The following GTF3C5 variants were observed in gnomAD, a reference collection of about 807,000 sequenced individuals.
GTF3C5 encodes the protein general transcription factor 3C polypeptide 5.
Under a neutral mutation model 61.0 loss-of-function variants are expected in GTF3C5, and 47 were observed. The ratio of observed to expected loss-of-function variants is 0.77; its 90% CI spans 0.61 to 0.98. GTF3C5 has a LOEUF of 0.98. Among genes scored for constraint, GTF3C5 ranks in the 50% least tolerant of loss-of-function variants. GTF3C5 has a pLI of 0.00. For synonymous variants in GTF3C5, 295 were observed against 275.4 expected (o/e 1.07, Z -0.71); for missense variants, 659 against 703.3 (o/e 0.94, Z 0.71).
At chr9:133,046,048 T>C (rs566303679) in intron 3 of GTF3C5, among the ~76,000 whole-genome samples, 5 of 152,178 alleles carry the variant, frequency 3.3e-5, no homozygotes, top group Non-Finnish European at 5.9e-5. Flanking sequence ...GGCTTGGGCC[T>C]AGTGTAGTGG....
chr9:133,043,817 G>C lies in GTF3C5; in HGVS notation c.463G>C (p.Glu155Gln), dbSNP rs763539610. 9 of 1,613,968 alleles carry C rather than the reference G, an allele frequency of 5.6e-6. No homozygotes were observed. Among genetic ancestry groups the C allele is most frequent in the African/African-American group, 1.3e-5 (1 of 74,928 alleles). ...TGACAAGGTGCTCATGCTCCGGCCC[G>C]AGAAGGAGGCCTTTTTCCACCAGGA... ...MYDKVLMLRP[E>Q]KEAFFHQELP... is the part of the protein sequence containing the mutation. The change falls in exon 3 of 11, where the codon GAG (glutamate) becomes CAG (glutamine). Residue 155 changes from glutamate (E) to glutamine (Q), a missense_variant. Transcript: ENST00000372097.
chr9:133,042,320 G>C lies in GTF3C5; in HGVS notation c.373+14G>C, dbSNP rs1850063163. The C allele has an allele frequency of 3.3e-6, 5 of 1,523,216 alleles. No individual in the cohort carries two copies. Among genetic ancestry groups the C allele is most frequent in the Non-Finnish European group, 3.6e-6 (4 of 1,097,330 alleles). 94.4% of individuals were successfully genotyped at this position (1,523,216 alleles called of 1,614,324 possible). ...ACAAATTTCAGGGTAACTGAAATCT[G>C]CTCTTGCAATGTCTGGTTATTTCAG... On this transcript the variant is annotated intron_variant, in intron 2 of 10. Coordinates refer to ENST00000372097, the MANE Select transcript of GTF3C5 (RefSeq NM_012087.4).
At chr9:133,055,907 C>G in intron 8 of GTF3C5, 105 bp from the exon 9 acceptor site, 1 of 1,513,882 alleles carries the variant, frequency 6.6e-7, no homozygotes, top group Non-Finnish European at 8.9e-7. Flanking sequence ...TGGTGACCAG[C>G]CAGCTCCCTG....
At chr9:133,049,016 G>A (rs566908105) in intron 3 of GTF3C5, among the ~76,000 whole-genome samples, 3 of 152,340 alleles carry the variant, frequency 2.0e-5, no homozygotes, top group African/African-American at 7.2e-5. Flanking sequence ...AACCAGGTGG[G>A]CAAGCAGAGG....
At chr9:133,057,792 G>T (rs771570350) in intron 10 of GTF3C5, 22 bp from the exon 11 acceptor site, 2 of 1,575,564 alleles carry the variant, frequency 1.3e-6, no homozygotes, top group Non-Finnish European at 1.7e-6. Flanking sequence ...GACACCCATG[G>T]CCTTGTCTCC....
At chr9:133,037,865 C>A (rs989031618) in intron 1 of GTF3C5, among the ~76,000 whole-genome samples, 2 of 152,312 alleles carry the variant, frequency 1.3e-5, no homozygotes, top group Non-Finnish European at 2.9e-5. Flanking sequence ...GAGCAGCACC[C>A]TTCTGCAGAA....
chr9:133,057,610 T>C (rs1829976622), intron 10 of GTF3C5, among the ~76,000 whole-genome samples: 1 of 152,090 alleles, frequency 6.6e-6, no homozygotes, highest in African/African-American at 2.4e-5. Context: ...TGCTCATGGC[T>C]CCCCTGCTGC....
At chr9:133,053,029 G>A (rs1054070786) in intron 5 of GTF3C5, among the ~76,000 whole-genome samples, 1 of 151,982 alleles carries the variant, frequency 6.6e-6, no homozygotes, top group Non-Finnish European at 1.5e-5. Context: ...TAGTAGAGAT[G>A]GGGTTTCGCC....
intron 3 of GTF3C5, chr9:133,044,164 A>AG (rs1850132389): frequency 1.9e-6 from 1 of 532,158 alleles, no homozygotes; most frequent in Admixed American, 3.5e-5. Context: ...AAAAAAAAAA[A>AG]AAAAAGAAAA....
intron 10 of GTF3C5, 106 bp from the exon 11 acceptor site, chr9:133,057,708 T>G (rs1469967825): frequency 2.8e-6 from 3 of 1,070,950 alleles, no homozygotes; most frequent in Non-Finnish European, 4.0e-6. Flanking sequence ...GAGCTCGAGC[T>G]CGGACCCTTA....
intron 1 of GTF3C5, among the ~76,000 whole-genome samples, chr9:133,038,607 C>T (rs1232926145): frequency 6.6e-5 from 10 of 151,316 alleles, no homozygotes; most frequent in African/African-American, 1.5e-4. Context: ...CCCACCACCA[C>T]GCCCGGCTAA....
upstream of GTF3C5, chr9:133,030,832 A>G (rs1289768381): frequency 3.3e-5 from 24 of 722,244 alleles, no homozygotes; most frequent in Non-Finnish European, 5.5e-5. Context: ...TCCCGAAGAC[A>G]TGGGCCCTCC....
chr9:133,035,700 C>T (rs1008476634), intron 1 of GTF3C5, among the ~76,000 whole-genome samples: 29 of 152,062 alleles, frequency 1.9e-4, no homozygotes, highest in Non-Finnish European at 4.0e-4. Flanking sequence ...GAAAAGTGAG[C>T]GTTTTGAGGA....
chr9:133,031,004 G>A lies in GTF3C5; in HGVS notation c.-8G>A. 3 of 1,612,228 alleles carry A rather than the reference G, an allele frequency of 1.9e-6. No homozygotes were observed. The highest frequency in any genetic ancestry group is 3.3e-4 in the Middle Eastern group (2 of 6,050). On this transcript the variant is annotated 5_prime_UTR_variant, in exon 1 of 11. Coordinates refer to ENST00000372097, the MANE Select transcript of GTF3C5 (RefSeq NM_012087.4). ...CGGACCCTGGCGGGCCCTGCCAGAC[G>A]CACAGGGATGGCGGCGGAGGCGGCC... is the stretch of plus-strand genomic sequence containing the variant.
intron 1 of GTF3C5, among the ~76,000 whole-genome samples, chr9:133,041,134 A>G (rs1850026766): frequency 6.6e-6 from 1 of 152,220 alleles, no homozygotes; most frequent in South Asian, 2.1e-4. Context: ...GCCTCTTGCC[A>G]AGCGGACCAT....
intron 1 of GTF3C5, among the ~76,000 whole-genome samples, chr9:133,036,525 G>A (rs1437601460): frequency 6.6e-6 from 1 of 152,110 alleles, no homozygotes; most frequent in African/African-American, 2.4e-5. Context: ...TGACCCCCGT[G>A]TTCTTGAGTA....
rs187715179 is a variant in GTF3C5 at position 133,044,809 on chromosome 9, C to T, written c.572+883C>T. The stretch of plus-strand genomic sequence containing the variant: ...ACACGGTGCCTCTCCTGAGGACAGG[C>T]GCTCACTCTCTCTCATCAGTAGTGG... On this transcript the variant is annotated intron_variant, in intron 3 of 10. Transcript: ENST00000372097. 4.7e-3 allele frequency among the ~76,000 whole-genome samples: 721 copies of T among 152,224 alleles called. 4 individuals carry two copies. Among genetic ancestry groups the T allele is most frequent in the Non-Finnish European group, 8.4e-3 (568 of 68,012 alleles).
intron 3 of GTF3C5, among the ~76,000 whole-genome samples, chr9:133,048,605 G>A (rs1006067628): frequency 2.6e-5 from 4 of 152,036 alleles, no homozygotes; most frequent in African/African-American, 4.8e-5. Context: ...GGATGTGGAG[G>A]TTGAGGTGAG....
At chr9:133,040,913 A>G (rs1850020127) in intron 1 of GTF3C5, among the ~76,000 whole-genome samples, 1 of 152,238 alleles carries the variant, frequency 6.6e-6, no homozygotes, top group African/African-American at 2.4e-5. Flanking sequence ...ATCATTAATC[A>G]TTAGTTTGTA....
Sources: allele counts gnomAD v4.1 joint callset (sites outside exome capture counted in the v4.1 genomes callset), GRCh38; gene constraint gnomAD v4.1.1; transcripts MANE v1.5; gene names NCBI Gene and HGNC (gene_info 2026-07-23, HGNC 2026-07-21).